Variants in AKAP12 observed in about 807,000 individuals in gnomAD.
The protein encoded by AKAP12 is A-kinase anchoring protein 12.
In AKAP12, 32 loss-of-function variants were observed where a neutral mutation model predicts 79.9. The ratio of observed to expected loss-of-function variants is 0.40; its 90% confidence interval spans 0.30 to 0.54. AKAP12 has a LOEUF of 0.54. AKAP12 is among the 20% of genes least tolerant of loss of function. The pLI, the probability that AKAP12 is intolerant of heterozygous loss-of-function variation, is 0.48. For synonymous variants in AKAP12, 808 were observed against 857.0 expected, an observed-to-expected ratio of 0.94 and a Z score of 1.00; for missense variants, 2,074 against 2,177.0, an observed-to-expected ratio of 0.95 and a Z score of 0.94.
At chr6:151,338,986 T>C (rs1450706268) in intron 3 of AKAP12, among the ~76,000 whole-genome samples, 1 of 152,228 alleles carries the variant, frequency 6.6e-6, no homozygotes, top group Non-Finnish European at 1.5e-5. Context: ...AGCTTTCACT[T>C]TGATGGATGC....
chr6:151,278,596 G>A (rs1001821368), intron 2 of AKAP12, among the ~76,000 whole-genome samples: 3 of 152,044 alleles, frequency 2.0e-5, no homozygotes, highest in African/African-American at 7.2e-5. Context: ...TCTGTTCTTT[G>A]ACTACTGTTG....
chr6:151,355,094 C>G (rs925806934), intron 4 of AKAP12, among the ~76,000 whole-genome samples: 3 of 151,982 alleles, frequency 2.0e-5, no homozygotes, highest in African/African-American at 7.3e-5. Context: ...CTCCCAGGTT[C>G]AAGCGATCCT....
intron 3 of AKAP12, among the ~76,000 whole-genome samples, chr6:151,335,668 A>G (rs1777793675): frequency 6.6e-6 from 1 of 151,970 alleles, no homozygotes; most frequent in South Asian, 2.1e-4. Flanking sequence ...ACGGGGTTTG[A>G]CTGTGTTGCC....
At chr6:151,279,080 TTA>T (rs1776347601) in intron 2 of AKAP12, among the ~76,000 whole-genome samples, 1 of 152,180 alleles carries the variant, frequency 6.6e-6, no homozygotes, top group African/African-American at 2.4e-5. Context: ...CAATAAGCAG[TTA>T]TAGTGGATTT....
intron 3 of AKAP12, among the ~76,000 whole-genome samples, chr6:151,339,118 A>G (rs956743015): frequency 1.2e-4 from 19 of 152,238 alleles, no homozygotes; most frequent in African/African-American, 4.3e-4. Context: ...ATAGAATTCA[A>G]ATTGCTGTCC....
At chr6:151,262,050 A>G (rs1016396146) in intron 2 of AKAP12, among the ~76,000 whole-genome samples, 2 of 152,094 alleles carry the variant, frequency 1.3e-5, no homozygotes, top group African/African-American at 4.8e-5. Flanking sequence ...CCCAGGTTCA[A>G]GAGATTCTCC....
chr6:151,298,810 A>G (rs569431184), intron 2 of AKAP12: 1 of 150,980 alleles, frequency 6.6e-6, no homozygotes, highest in Non-Finnish European at 1.5e-5. Flanking sequence ...AAAAAAAACA[A>G]GAGAGAAAAA....
intron 2 of AKAP12, among the ~76,000 whole-genome samples, chr6:151,271,553 G>A (rs1776181760): frequency 6.6e-6 from 1 of 151,704 alleles, no homozygotes; most frequent in Non-Finnish European, 1.5e-5. Flanking sequence ...AACTCCTGAG[G>A]TCAAGCAATC....
intron 2 of AKAP12, among the ~76,000 whole-genome samples, chr6:151,248,071 C>T (rs924782437): frequency 6.6e-6 from 1 of 152,144 alleles, no homozygotes; most frequent in Non-Finnish European, 1.5e-5. Flanking sequence ...GAGATTACTG[C>T]AGTTTATTGG....
At chr6:151,319,223 A>C (rs147789209) in intron 3 of AKAP12, among the ~76,000 whole-genome samples, 1 of 152,194 alleles carries the variant, frequency 6.6e-6, no homozygotes, top group East Asian at 1.9e-4. Context: ...TTTATCTTGG[A>C]TTTTGAATAG....
intron 2 of AKAP12, among the ~76,000 whole-genome samples, chr6:151,276,272 G>C (rs536269207): frequency 3.9e-5 from 6 of 152,100 alleles, no homozygotes; most frequent in Non-Finnish European, 8.8e-5. Context: ...TTGTGTAAAA[G>C]TTCATTTTAA....
intron 3 of AKAP12, among the ~76,000 whole-genome samples, chr6:151,317,285 C>A (rs1375037860): frequency 1.3e-5 from 2 of 152,200 alleles, no homozygotes; most frequent in East Asian, 3.8e-4. Flanking sequence ...ATATGCCTCC[C>A]TCCAACTGCT....
At chr6:151,331,107 T>C (rs1448725464) in intron 3 of AKAP12, among the ~76,000 whole-genome samples, 4 of 152,192 alleles carry the variant, frequency 2.6e-5, no homozygotes, top group Non-Finnish European at 5.9e-5. Flanking sequence ...GTGAAACACT[T>C]CAGTAATTCT....
chr6:151,244,511 G>A (rs558857775), intron 2 of AKAP12, among the ~76,000 whole-genome samples: 75 of 149,912 alleles, frequency 5.0e-4, no homozygotes, highest in Non-Finnish European at 9.3e-4. Context: ...GCAACAGAGC[G>A]AGACTCTGTC....
chr6:151,273,898 G>A (rs187669029), intron 2 of AKAP12, among the ~76,000 whole-genome samples: 74 of 151,980 alleles, frequency 4.9e-4, no homozygotes, highest in African/African-American at 1.3e-3. Flanking sequence ...GTATGGTGGC[G>A]TGCGCCTGTA....
chr6:151,339,167 A>G (rs897994944), intron 3 of AKAP12, among the ~76,000 whole-genome samples: 31 of 152,230 alleles, frequency 2.0e-4, no homozygotes, highest in Admixed American at 6.5e-5. Flanking sequence ...TAAGTGTAGG[A>G]GTTGACATAT....
At chr6:151,318,632 C>T (rs532183206) in intron 3 of AKAP12, among the ~76,000 whole-genome samples, 10 of 152,240 alleles carry the variant, frequency 6.6e-5, no homozygotes, top group African/African-American at 1.4e-4. Context: ...TGAGCTCTTT[C>T]GGTCTAGAAA....
chr6:151,260,890 G>T (rs1797414413), intron 2 of AKAP12, among the ~76,000 whole-genome samples: 1 of 152,154 alleles, frequency 6.6e-6, no homozygotes, highest in African/African-American at 2.4e-5. Flanking sequence ...TGCTCGGGAG[G>T]CTGACACAGG....
chr6:151,258,055 C>G (rs1316480326), intron 2 of AKAP12, among the ~76,000 whole-genome samples: 1 of 152,186 alleles, frequency 6.6e-6, no homozygotes, highest in Non-Finnish European at 1.5e-5. Context: ...CTGGGGCAAG[C>G]CACTTATGCC....
Sources: allele counts gnomAD v4.1 joint callset (sites outside exome capture counted in the v4.1 genomes callset), GRCh38; gene constraint gnomAD v4.1.1; transcripts MANE v1.5; gene names NCBI Gene and HGNC (gene_info 2026-07-23, HGNC 2026-07-21).